Variants in LRRC27 observed in about 807,000 individuals in gnomAD.
LRRC27 encodes leucine-rich repeat-containing protein 27.
A neutral mutation model predicts 55.0 loss-of-function variants in LRRC27; 57 were observed. The observed-to-expected ratio is 1.04, with a 90% CI of 0.84 to 1.29. LRRC27 has a LOEUF of 1.29. LRRC27 is among the 50% of genes most tolerant of loss of function. The pLI is 0.00. For synonymous variants in LRRC27, 278 were observed against 251.9 expected (o/e 1.10, Z -0.98); for missense variants, 721 against 651.5 (o/e 1.11, Z -1.16).
In LRRC27 at chr10:132,365,670, C is replaced by T. The variant is rs190511447; in HGVS notation, c.1416+120C>T. On this transcript the variant is annotated intron_variant, in intron 10 of 10. Coordinates refer to ENST00000368614, the MANE Select transcript of LRRC27 (RefSeq NM_030626.3). ...AGGCTGGAGTGCGGTGGCACAATCTCGGCTCCCTGCAGCCTCCACCTCCCA... is the reference window on the plus strand; with the variant it reads ...AGGCTGGAGTGCGGTGGCACAATCTTGGCTCCCTGCAGCCTCCACCTCCCA... 1,763 of 1,264,170 alleles carry T rather than the reference C, an allele frequency of 1.4e-3. 2 individuals are homozygous for T. The highest frequency in any genetic ancestry group is 1.7e-3 in the Non-Finnish European group (1,612 of 936,298). 78.3% of individuals were successfully genotyped at this position (1,264,170 alleles called of 1,614,324 possible).
intron 10 of LRRC27, chr10:132,366,591 C>T (rs2069090799): frequency 6.1e-6 from 1 of 165,048 alleles, no homozygotes; most frequent in Admixed American, 6.5e-5. Context: ...AACCTGGATA[C>T]CCGTGTCCCC....
At position 132,375,220 on chromosome 10, in the gene LRRC27, G is replaced by A. The variant is rs748723716; in HGVS notation, c.1571G>A (p.Gly524Glu). 1 of 1,613,388 alleles carries A rather than the reference G, an allele frequency of 6.2e-7. No homozygotes were observed. The highest frequency in any genetic ancestry group is 8.5e-7 in the Non-Finnish European group (1 of 1,179,656). Residue 524 changes from glycine to glutamate, a missense_variant, in exon 11 of 11, where the codon GGA becomes GAA. Physicochemically the swap from Gly to Glu is moderately conservative, Grantham distance 98. Transcript: ENST00000368614. ...TFFNTKYGES[G>E]NVRRYQ ...TTTAACACAAAATATGGAGAATCAG[G>A]AAATGTTCGCAGATACCAGTGACAC...
chr10:132,352,934 G>T (rs2068128926), intron 7 of LRRC27: 1 of 1,613,834 alleles, frequency 6.2e-7, no homozygotes, highest in African/African-American at 1.3e-5. Context: ...ACGGTCATCA[G>T]GGAGGTTCAT....
rs1248899761 is a variant in LRRC27, at chr10:132,354,700, G to A, written c.1074-1090G>A. On this transcript the variant is annotated intron_variant, in intron 7 of 10. Coordinates refer to ENST00000368614, the MANE Select transcript of LRRC27 (RefSeq NM_030626.3). Reference sequence around the variant, plus strand: ...GCCGTGGGCCGGGTAGAGCCCAGGAGGGCTGAGCCGCTGTGACCGCAAGGA... The same window carrying A: ...GCCGTGGGCCGGGTAGAGCCCAGGAAGGCTGAGCCGCTGTGACCGCAAGGA... Among the ~76,000 whole-genome samples, 3 of 152,262 alleles carry A rather than the reference G, an allele frequency of 2.0e-5. No individual in the cohort carries two copies. The East Asian group carries it at 5.8e-4, about 29-fold the overall frequency.
rs1321093833 is a variant in LRRC27, at chr10:132,380,592, G to A, written c.*5350G>A. On this transcript the variant is annotated 3_prime_UTR_variant, in exon 11 of 11. Coordinates refer to ENST00000368614, the MANE Select transcript of LRRC27 (RefSeq NM_030626.3). Reference sequence around the variant, plus strand: ...GAGGATCCCTTGAGCCCAGGAGGTCGAGGCTGCAGTGAGCTGTGATTGCAC... The same window carrying A: ...GAGGATCCCTTGAGCCCAGGAGGTCAAGGCTGCAGTGAGCTGTGATTGCAC... Among the ~76,000 whole-genome samples the A allele has an allele frequency of 1.3e-5, 2 of 152,162 alleles. No homozygotes were observed. The highest frequency in any genetic ancestry group is 2.9e-5 in the Non-Finnish European group (2 of 68,018).
intron 4 of LRRC27, 73 bp from the exon 5 acceptor site, chr10:132,344,425 T>G: frequency 7.0e-7 from 1 of 1,423,612 alleles, no homozygotes; most frequent in Admixed American, 2.0e-5. Context: ...GAAAAGTTAC[T>G]ATTATTTATT....
rs2069298458 is a variant in LRRC27 at position 132,374,457 on chromosome 10, C to T, written c.1417-609C>T. On this transcript the variant is annotated intron_variant, in intron 10 of 10. Transcript: ENST00000368614. This position sits in a 1 kb window ranked among gnomAD's most constrained non-coding sequence, Gnocchi z 4.4. Reference sequence around the variant, plus strand: ...TCCACCTGAGGGCCCCCCGCAGTGCCCTCCTCAGCCTCACTTTGTTCTGCC... The same window carrying T: ...TCCACCTGAGGGCCCCCCGCAGTGCTCTCCTCAGCCTCACTTTGTTCTGCC... Among the ~76,000 whole-genome samples the T allele has an allele frequency of 6.6e-6, 1 of 152,180 alleles. No individual in the cohort carries two copies. The highest frequency in any genetic ancestry group is 2.1e-4 in the South Asian group (1 of 4,834).
In LRRC27 at chr10:132,379,400, T is replaced by C. The variant is rs576454630; in HGVS notation, c.*4158T>C. On this transcript the variant is annotated 3_prime_UTR_variant, in exon 11 of 11. Transcript: ENST00000368614. ...TCCCATCCTGCTCCTCTCCAGCATT[T>C]CCTCTCACCTCCGAGCTCTCGGGGA... 1 of 153,082 alleles carries C rather than the reference T, an allele frequency of 6.5e-6. No homozygotes were observed. The highest frequency in any genetic ancestry group is 1.9e-4 in the South Asian group (1 of 5,156). The allele number at this position is 153,082 out of a possible 1,614,324, so 9.5% of individuals were successfully genotyped here.
chr10:132,381,503 T>C lies in LRRC27; in HGVS notation c.*6261T>C, dbSNP rs566595005. On this transcript the variant is annotated 3_prime_UTR_variant, in exon 11 of 11. Coordinates refer to ENST00000368614, the MANE Select transcript of LRRC27 (RefSeq NM_030626.3). Reference sequence around the variant, plus strand: ...GTTCTCCTTAATAAACTCCATTTCATATGTATATATATCCTATTCTGTCCT... The same window carrying C: ...GTTCTCCTTAATAAACTCCATTTCACATGTATATATATCCTATTCTGTCCT... 1.3e-5 allele frequency among the ~76,000 whole-genome samples: 2 copies of C among 152,208 alleles called. No homozygotes were observed. Among genetic ancestry groups the C allele is most frequent in the Non-Finnish European group, 2.9e-5 (2 of 68,034 alleles).
chr10:132,342,920 T>C (rs972781403), intron 4 of LRRC27, among the ~76,000 whole-genome samples: 1 of 152,228 alleles, frequency 6.6e-6, no homozygotes, highest in Non-Finnish European at 1.5e-5. Context: ...AAAACAGACA[T>C]GTATACGCAT....
At position 132,372,301 on chromosome 10, in the gene LRRC27, T is replaced by C. The variant is rs2069238178; in HGVS notation, c.1417-2765T>C. 6.6e-6 allele frequency among the ~76,000 whole-genome samples: 1 copy of C among 152,078 alleles called. No homozygotes were observed. Among genetic ancestry groups the C allele is most frequent in the Non-Finnish European group, 1.5e-5 (1 of 68,016 alleles). ...GAAGTGGGGGTCGGGGTGCGGTGACTCACGCCTGCAATCCCAGCACTTTGG... is the reference window on the plus strand; with the variant it reads ...GAAGTGGGGGTCGGGGTGCGGTGACCCACGCCTGCAATCCCAGCACTTTGG... On this transcript the variant is annotated intron_variant, in intron 10 of 10. Transcript: ENST00000368614. The surrounding 1 kb of genome is among the most constrained non-coding windows in gnomAD (Gnocchi z 4.0).
chr10:132,351,549 T>C, intron 6 of LRRC27, 58 bp from the exon 7 acceptor site: 2 of 1,570,680 alleles, frequency 1.3e-6, no homozygotes, highest in Middle Eastern at 1.7e-4. Context: ...ACATGTTGTA[T>C]GAATTACCGT....
At chr10:132,333,402 G>T in intron 1 of LRRC27, 75 bp from the exon 2 acceptor site, 5 of 568,766 alleles carry the variant, frequency 8.8e-6, no homozygotes, top group Non-Finnish European at 1.1e-5. Flanking sequence ...CATTACAGTA[G>T]ATCTGCCACA....
At position 132,371,205 on chromosome 10, in the gene LRRC27, G is replaced by A. The variant is rs184292540; in HGVS notation, c.1417-3861G>A. Among the ~76,000 whole-genome samples the A allele has an allele frequency of 1.5e-3, 221 of 152,392 alleles. 1 individual carries two copies. The highest frequency in any genetic ancestry group is 0.013 in the South Asian group (65 of 4,834). ...GGCGTGGCGCTGGCAAGGAGTCCTC[G>A]GTGGCATGGCGTGCGTCGGGAGCAC... is the stretch of plus-strand genomic sequence containing the variant. On this transcript the variant is annotated intron_variant, in intron 10 of 10. Coordinates refer to ENST00000368614, the MANE Select transcript of LRRC27 (RefSeq NM_030626.3).
intron 10 of LRRC27, chr10:132,366,806 G>A: frequency 8.1e-7 from 1 of 1,231,856 alleles, no homozygotes; most frequent in African/African-American, 1.6e-5. Flanking sequence ...CCATCTGCAG[G>A]CTCCATTCCC....
chr10:132,368,377 G>C (rs181310462), intron 10 of LRRC27, among the ~76,000 whole-genome samples: 2 of 152,140 alleles, frequency 1.3e-5, no homozygotes, highest in Admixed American at 1.3e-4. Context: ...ATCCAACACA[G>C]TATTGATGGA....
In LRRC27 at chr10:132,381,072, T is replaced by C. The variant is rs116237373; in HGVS notation, c.*5830T>C. ...AGATTGAAGAATGTAAAGTATTGTTTCTGGGTGTTGCCAGAAGAGATTAAC... is the reference window on the plus strand; with the variant it reads ...AGATTGAAGAATGTAAAGTATTGTTCCTGGGTGTTGCCAGAAGAGATTAAC... On this transcript the variant is annotated 3_prime_UTR_variant, in exon 11 of 11. Transcript: ENST00000368614. Among the ~76,000 whole-genome samples the C allele has an allele frequency of 5.2e-3, 797 of 152,386 alleles. 10 individuals are homozygous for C. Among genetic ancestry groups the C allele is most frequent in the African/African-American group, 0.018 (767 of 41,594 alleles).
Position 132,348,007 on chromosome 10 carries a change from A to T in LRRC27, c.577A>T (p.Thr193Ser). Residue 193 changes from threonine (T) to serine (S), a missense_variant, in exon 6 of 11, where the codon ACC becomes TCC. Coordinates refer to ENST00000368614, the MANE Select transcript of LRRC27 (RefSeq NM_030626.3). The surrounding 1 kb of genome is among the most constrained non-coding windows in gnomAD (Gnocchi z 4.2). ...SQEAPPVREM[T>S]LRDLPSPGLE... ...AGAGGCTCCACCGGTTAGAGAGATGACCCTCCGTGACCTCCCGAGCCCAGG... is the reference window on the plus strand; with the variant it reads ...AGAGGCTCCACCGGTTAGAGAGATGTCCCTCCGTGACCTCCCGAGCCCAGG... 1 of 1,609,322 alleles carries T rather than the reference A, an allele frequency of 6.2e-7. No individual in the cohort carries two copies. Among genetic ancestry groups the T allele is most frequent in the South Asian group, 1.1e-5 (1 of 90,918 alleles).
Position 132,378,767 on chromosome 10 carries a change from C to T in LRRC27, c.*3525C>T, listed in dbSNP as rs1426632404. 1 of 152,326 alleles carries T rather than the reference C, an allele frequency of 6.6e-6. No individual in the cohort carries two copies. The highest frequency in any genetic ancestry group is 1.5e-5 in the Non-Finnish European group (1 of 68,096). The allele number at this position is 152,326 out of a possible 1,614,324, so 9.4% of individuals were successfully genotyped here. A position where few individuals can be genotyped will look rare whatever the true frequency, so the allele number is the denominator to read the frequency against. On this transcript the variant is annotated 3_prime_UTR_variant, in exon 11 of 11. Transcript: ENST00000368614. ...ATTGTACCATTGCACTCAGAAGAAACATCCCAGGCCCTGAGCAGCGTGTCT... is the reference window on the plus strand; with the variant it reads ...ATTGTACCATTGCACTCAGAAGAAATATCCCAGGCCCTGAGCAGCGTGTCT...
Sources: gnomAD v4.1 joint callset for allele counts (sites outside exome capture counted in the v4.1 genomes callset) on GRCh38, gnomAD v4.1.1 for gene constraint, Gnocchi (gnomAD v3.1) non-coding constraint, MANE v1.5 for transcripts, NCBI Gene and HGNC (gene_info 2026-07-23, HGNC 2026-07-21) for gene names.